The following FAM3C variants were observed in gnomAD, a reference collection of about 807,000 sequenced individuals.
FAM3C encodes protein FAM3C.
Under a neutral mutation model 32.5 loss-of-function variants are expected in FAM3C, and 15 were observed. That is an observed-to-expected ratio of 0.46 (90% CI 0.31 to 0.71). The LOEUF is 0.71. FAM3C is among the 30% of genes least tolerant of loss of function. The pLI is 0.05. For missense variants in FAM3C, 175 were observed against 274.4 expected (o/e 0.64, Z 2.56); for synonymous variants, 75 against 86.1 (o/e 0.87, Z 0.72).
chr7:121,360,879 C>A (rs1189828397), intron 7 of FAM3C, among the ~76,000 whole-genome samples: 1 of 151,906 alleles, frequency 6.6e-6, no homozygotes, highest in Non-Finnish European at 1.5e-5. Context: ...AAAAGCATAA[C>A]AATGTTTGTA....
At position 121,354,299 on chromosome 7, in the gene FAM3C, T is replaced by C. The variant is rs1212293654; in HGVS notation, c.468-3030A>G. Among the ~76,000 whole-genome samples the C allele has an allele frequency of 2.0e-5, 3 of 152,202 alleles. No homozygotes were observed. In the East Asian group the frequency reaches 5.8e-4, roughly 29 times the overall value. The stretch of plus-strand genomic sequence containing the variant: ...CATATATTTTAATCCTTACTAATGG[T>C]CTTAACTAGCTGAGTTAAAAATTTA... On this transcript the variant is annotated intron_variant, in intron 8 of 9. Transcript: ENST00000359943.
At chr7:121,371,086 G>T (rs555818772) in intron 5 of FAM3C, among the ~76,000 whole-genome samples, 62 of 152,214 alleles carry the variant, frequency 4.1e-4, no homozygotes, top group Non-Finnish European at 7.5e-4. Context: ...CTATAAAGCC[G>T]AATAAGTGTT....
intron 7 of FAM3C, 53 bp from the exon 8 acceptor site, chr7:121,360,180 C>A: frequency 3.4e-6 from 3 of 887,306 alleles, no homozygotes; most frequent in Non-Finnish European, 3.8e-6. Flanking sequence ...ATAAGCATCA[C>A]GATAATCTCT....
chr7:121,385,708 A>G (rs1453371193), intron 1 of FAM3C, among the ~76,000 whole-genome samples: 1 of 152,224 alleles, frequency 6.6e-6, no homozygotes, highest in Non-Finnish European at 1.5e-5. Context: ...GAAGTGGACT[A>G]AATCACATAA....
At chr7:121,390,655 C>T (rs1480555278) in intron 1 of FAM3C, among the ~76,000 whole-genome samples, 3 of 151,976 alleles carry the variant, frequency 2.0e-5, no homozygotes, top group Non-Finnish European at 2.9e-5. Flanking sequence ...ATAGCATGCA[C>T]ACCAGAATTA....
chr7:121,395,318 CATAT>C (rs200037255), intron 1 of FAM3C, among the ~76,000 whole-genome samples: 3 of 144,032 alleles, frequency 2.1e-5, no homozygotes, highest in South Asian at 4.3e-4. Flanking sequence ...TACATACATA[CATAT>C]ATATATATGG....
At chr7:121,353,763 T>C (rs1276551347) in intron 8 of FAM3C, among the ~76,000 whole-genome samples, 3 of 152,184 alleles carry the variant, frequency 2.0e-5, no homozygotes, top group South Asian at 4.1e-4. Flanking sequence ...TCCTAACTGG[T>C]TGCTGGAAGA....
At chr7:121,378,091 T>G (rs1357310686) in intron 3 of FAM3C, among the ~76,000 whole-genome samples, 1 of 152,372 alleles carries the variant, frequency 6.6e-6, no homozygotes. Context: ...ACTTCACAAT[T>G]ATTTGAGATT....
At chr7:121,362,614 T>C in intron 7 of FAM3C, 1 of 341,204 alleles carries the variant, frequency 2.9e-6, no homozygotes, top group Non-Finnish European at 5.2e-6. Flanking sequence ...AACTTTTGAA[T>C]TGGTTGTCCT....
chr7:121,371,237 C>T, intron 5 of FAM3C, 63 bp downstream of exon 5: 2 of 1,567,152 alleles, frequency 1.3e-6, no homozygotes, highest in East Asian at 2.3e-5. Flanking sequence ...ATCCATTAAA[C>T]TCAGGTTCAA....
chr7:121,380,376 A>T (rs973702035), intron 2 of FAM3C: 15 of 152,170 alleles, frequency 9.9e-5, no homozygotes, highest in African/African-American at 3.6e-4. Context: ...AGCCTACATT[A>T]AAAAAAGCTA....
At chr7:121,371,275 T>A (rs1221067885) in intron 5 of FAM3C, 25 bp downstream of exon 5, 3 of 1,610,830 alleles carry the variant, frequency 1.9e-6, no homozygotes, top group South Asian at 1.1e-5. Context: ...GCACACCTTA[T>A]CGTCTCAAGT....
At chr7:121,381,460 T>C (rs1794354759) in intron 2 of FAM3C, among the ~76,000 whole-genome samples, 1 of 152,162 alleles carries the variant, frequency 6.6e-6, no homozygotes, top group Admixed American at 6.5e-5. Flanking sequence ...TAATTACTCA[T>C]CAATTAACCT....
At chr7:121,392,912 G>A (rs1022398591) in intron 1 of FAM3C, among the ~76,000 whole-genome samples, 1 of 152,072 alleles carries the variant, frequency 6.6e-6, no homozygotes, top group Non-Finnish European at 1.5e-5. Context: ...TTTAGAGGAC[G>A]AACCTCTAAA....
Position 121,360,030 on chromosome 7 carries a change from A to AAAGTTTT in FAM3C, c.467+12_467+13insAAAACTT, listed in dbSNP as rs57188306. The AAAGTTTT allele has an allele frequency of 0.18, 241,276 of 1,340,516 alleles. 25,737 individuals are homozygous for AAAGTTTT. The highest frequency in any genetic ancestry group is 0.43 in the African/African-American group (28,733 of 67,442). The allele number at this position is 1,340,516 out of a possible 1,614,324, so 83.0% of individuals were successfully genotyped here. A position where few individuals can be genotyped will look rare whatever the true frequency, so the allele number is the denominator to read the frequency against. On this transcript the variant is annotated intron_variant, in intron 8 of 9. Coordinates refer to ENST00000359943, the MANE Select transcript of FAM3C (RefSeq NM_014888.3). The stretch of plus-strand genomic sequence containing the variant: ...AAATTATAGTTCCAAAAAGTTCTGT[A>AAAGTTTT]AAGTTTACATACTTGGTTGCTCCAT...
At chr7:121,370,191 A>G (rs1000779557) in intron 5 of FAM3C, among the ~76,000 whole-genome samples, 4 of 152,262 alleles carry the variant, frequency 2.6e-5, no homozygotes, top group Non-Finnish European at 2.9e-5. Context: ...ATGAGAAATC[A>G]GAAGACAAAT....
chr7:121,383,025 C>A lies in FAM3C; in HGVS notation c.-41-15G>T. The A allele has an allele frequency of 1.4e-6, 2 of 1,427,648 alleles. No individual in the cohort carries two copies. Among genetic ancestry groups the A allele is most frequent in the Admixed American group, 1.8e-5 (1 of 56,484 alleles). 88.4% of individuals were successfully genotyped at this position (1,427,648 alleles called of 1,614,324 possible). Reference sequence around the variant, plus strand: ...TTAATATGCTCCTAAAAAATCAAAACAAAAAGCAAATATCATTAGCTCTAG... The same window carrying A: ...TTAATATGCTCCTAAAAAATCAAAAAAAAAAGCAAATATCATTAGCTCTAG... On this transcript the variant is annotated splice_polypyrimidine_tract_variant and intron_variant, in intron 1 of 9. Transcript: ENST00000359943.
intron 8 of FAM3C, among the ~76,000 whole-genome samples, chr7:121,352,398 G>A (rs768268089): frequency 1.6e-4 from 24 of 151,958 alleles, no homozygotes; most frequent in African/African-American, 4.1e-4. Flanking sequence ...CACCACATCC[G>A]TGGGGGCTGT....
chr7:121,381,656 CCACACACACACA>C (rs67277678), intron 2 of FAM3C, among the ~76,000 whole-genome samples: 10 of 142,238 alleles, frequency 7.0e-5, no homozygotes, highest in East Asian at 4.1e-4. Context: ...CAAAGAACAT[CCACACACACACA>C]CACACACACA....
Sources: allele counts gnomAD v4.1 joint callset (sites outside exome capture counted in the v4.1 genomes callset), GRCh38; gene constraint gnomAD v4.1.1; transcripts MANE v1.5; gene names NCBI Gene and HGNC (gene_info 2026-07-23, HGNC 2026-07-21).